The following ASTN2 variants were observed in gnomAD, a reference collection of about 807,000 sequenced individuals.
The protein encoded by ASTN2 is astrotactin 2.
Under a neutral mutation model 139.8 loss-of-function variants are expected in ASTN2, and 54 were observed. That is an observed-to-expected ratio of 0.39 (90% CI 0.31 to 0.48). ASTN2 has a LOEUF of 0.48. Ranked by LOEUF, ASTN2 falls within the 20% of genes least tolerant of loss-of-function variation. The pLI is 0.95. For synonymous variants in ASTN2, 756 were observed against 719.5 expected (o/e 1.05, Z -0.81); for missense variants, 1,565 against 1,725.1 (o/e 0.91, Z 1.64).
At chr9:117,065,110 C>G (rs182255753) in intron 5 of ASTN2, among the ~76,000 whole-genome samples, 15 of 152,186 alleles carry the variant, frequency 9.9e-5, no homozygotes, top group Admixed American at 8.5e-4. Flanking sequence ...TGGAGCAATG[C>G]ACATACAGGA....
intron 16 of ASTN2, among the ~76,000 whole-genome samples, chr9:116,660,168 G>GCGCACACACACACA (rs139281552): frequency 6.8e-6 from 1 of 146,576 alleles, no homozygotes; most frequent in Non-Finnish European, 1.5e-5. Flanking sequence ...TATTGCAAGC[G>GCGCACACACACACA]CACACACACA....
intron 3 of ASTN2, among the ~76,000 whole-genome samples, chr9:117,153,626 CT>C (rs1468569926): frequency 2.0e-5 from 3 of 152,082 alleles, no homozygotes; most frequent in Non-Finnish European, 4.4e-5. Flanking sequence ...TACTTTAGGG[CT>C]TATTTTGCAG....
chr9:117,104,951 A>G (rs7040847), intron 4 of ASTN2, among the ~76,000 whole-genome samples: 24,170 of 152,118 alleles, frequency 0.16, 2,086 homozygotes, highest in East Asian at 0.2. Flanking sequence ...TTTGGCTTAA[A>G]TAACTACTTA....
intron 10 of ASTN2, among the ~76,000 whole-genome samples, chr9:116,939,718 C>T (rs1835174118): frequency 6.6e-6 from 1 of 152,056 alleles, no homozygotes; most frequent in Non-Finnish European, 1.5e-5. Flanking sequence ...GAAATGAATA[C>T]AATACCAATG....
intron 19 of ASTN2, among the ~76,000 whole-genome samples, chr9:116,535,667 G>A (rs1418795598): frequency 3.3e-5 from 5 of 152,112 alleles, no homozygotes; most frequent in Non-Finnish European, 7.4e-5. Flanking sequence ...TTTTATTTAA[G>A]AATGTTGAAT....
chr9:116,586,812 T>TCACACACACACACA (rs141414264), intron 19 of ASTN2, among the ~76,000 whole-genome samples: 19,074 of 79,474 alleles, frequency 0.24, 2,300 homozygotes, highest in Admixed American at 0.45. Flanking sequence ...CAGTTGAAAT[T>TCACACACACACACA]CACACACACA....
intron 3 of ASTN2, among the ~76,000 whole-genome samples, chr9:117,205,851 T>C (rs1489801139): frequency 6.6e-6 from 1 of 152,208 alleles, no homozygotes; most frequent in African/African-American, 2.4e-5. Flanking sequence ...CTTTGTTGCA[T>C]TTGTCTAAAG....
chr9:116,809,293 A>G (rs1831105823), intron 12 of ASTN2, among the ~76,000 whole-genome samples: 1 of 152,182 alleles, frequency 6.6e-6, no homozygotes, highest in African/African-American at 2.4e-5. Context: ...TTTTAACTTA[A>G]CTATTTTTTA....
At chr9:116,502,935 G>T (rs1017738267) in intron 19 of ASTN2, among the ~76,000 whole-genome samples, 20 of 143,684 alleles carry the variant, frequency 1.4e-4, no homozygotes, top group Non-Finnish European at 2.9e-4. Context: ...AAGAAAGATG[G>T]AAGGAAAGAA....
At position 116,698,025 on chromosome 9, in the gene ASTN2, G is replaced by A; in HGVS notation, c.2806+27746C>T. On this transcript the variant is annotated intron_variant, in intron 16 of 22. Coordinates refer to ENST00000313400, the MANE Select transcript of ASTN2 (RefSeq NM_001365068.1). This position sits in a 1 kb window ranked among gnomAD's most constrained non-coding sequence, Gnocchi z 4.4. ...TGATACAGCTGGGCTCAGCGAGGCT[G>A]TGGGGCTGCTCATGTGTCGGTCCTG... 6.2e-7 allele frequency: 1 copy of A among 1,614,094 alleles called. No homozygotes were observed.
chr9:116,770,507 C>T (rs1009405944), intron 13 of ASTN2, among the ~76,000 whole-genome samples: 1 of 152,188 alleles, frequency 6.6e-6, no homozygotes, highest in East Asian at 1.9e-4. Context: ...AGAAAGGTGA[C>T]ATAGTTGATC....
intron 2 of ASTN2, among the ~76,000 whole-genome samples, chr9:117,238,461 T>C (rs1417458853): frequency 6.6e-6 from 1 of 152,196 alleles, no homozygotes; most frequent in Non-Finnish European, 1.5e-5. Flanking sequence ...CCAGATGATC[T>C]CCAAGGGTCC....
chr9:116,790,951 AAAGAAAAGAAAGAAGGAAAG>A (rs1410881944), intron 13 of ASTN2, among the ~76,000 whole-genome samples: 1 of 143,686 alleles, frequency 7.0e-6, no homozygotes, highest in Non-Finnish European at 1.5e-5. Context: ...AGAAAGAAAG[AAAGAAAAGAAAGAAGGAAAG>A]AAAGAAAGAA....
At chr9:116,605,198 G>T (rs558660365) in intron 19 of ASTN2, among the ~76,000 whole-genome samples, 1 of 152,164 alleles carries the variant, frequency 6.6e-6, no homozygotes, top group Non-Finnish European at 1.5e-5. Context: ...GGAAGCAAGA[G>T]TGATACTGAT....
At chr9:116,727,054 A>ACACC (rs1349336265) in intron 15 of ASTN2, among the ~76,000 whole-genome samples, 2 of 138,342 alleles carry the variant, frequency 1.4e-5, no homozygotes, top group African/African-American at 5.3e-5. Context: ...ACACACACAC[A>ACACC]CCTGAAATGG....
chr9:116,865,411 A>C lies in ASTN2; in HGVS notation c.1890-1678T>G, dbSNP rs552163730. On this transcript the variant is annotated intron_variant, in intron 10 of 22. Coordinates refer to ENST00000313400, the MANE Select transcript of ASTN2 (RefSeq NM_001365068.1). ...TCTTGAGCTACAGTGAGCCATGATCAAAACACTGTCTCAAAAAAAAAAAAA... is the reference window on the plus strand; with the variant it reads ...TCTTGAGCTACAGTGAGCCATGATCCAAACACTGTCTCAAAAAAAAAAAAA... Among the ~76,000 whole-genome samples, 12 of 134,764 alleles carry C rather than the reference A, an allele frequency of 8.9e-5. No individual in the cohort carries two copies. The South Asian group carries it at 3.2e-3, about 36-fold the overall frequency. The allele number at this position is 134,764 out of a possible 152,430, so 88.4% of individuals were successfully genotyped here. A position where few individuals can be genotyped will look rare whatever the true frequency, so the allele number is the denominator to read the frequency against.
At chr9:116,713,788 C>T (rs1473125266) in intron 16 of ASTN2, among the ~76,000 whole-genome samples, 1 of 152,140 alleles carries the variant, frequency 6.6e-6, no homozygotes, top group Non-Finnish European at 1.5e-5. Context: ...CATAAAGATA[C>T]CAATTTTAGG....
intron 10 of ASTN2, among the ~76,000 whole-genome samples, chr9:116,904,011 C>G (rs1020300111): frequency 6.6e-6 from 1 of 152,204 alleles, no homozygotes; most frequent in Non-Finnish European, 1.5e-5. Flanking sequence ...ATTTGAAAGC[C>G]TCCCCTAGTC....
chr9:117,271,538 A>C (rs1021728315), intron 2 of ASTN2, among the ~76,000 whole-genome samples: 16 of 152,262 alleles, frequency 1.1e-4, no homozygotes, highest in African/African-American at 3.9e-4. Flanking sequence ...GCGTTAACTC[A>C]AAGTCCACAG....
Sources: gnomAD v4.1 joint callset for allele counts (sites outside exome capture counted in the v4.1 genomes callset) on GRCh38, gnomAD v4.1.1 for gene constraint, Gnocchi (gnomAD v3.1) non-coding constraint, MANE v1.5 for transcripts, NCBI Gene and HGNC (gene_info 2026-07-23, HGNC 2026-07-21) for gene names.